Variants in METTL15 observed in about 807,000 individuals in gnomAD.
The protein encoded by METTL15 is 12S rRNA N(4)-cytidine methyltransferase METTL15.
A neutral mutation model predicts 38.3 loss-of-function variants in METTL15; 34 were observed. That is an observed-to-expected ratio of 0.89 (90% CI 0.68 to 1.18). METTL15 has a LOEUF of 1.18. METTL15 is among the 50% of genes most tolerant of loss of function. METTL15 has a pLI of 0.00. For missense variants in METTL15, 438 were observed against 498.4 expected (o/e 0.88, Z 1.15); for synonymous variants, 162 against 170.9 (o/e 0.95, Z 0.41).
chr11:28,306,024 C>T (rs142629701), intron 6 of METTL15, among the ~76,000 whole-genome samples: 1,935 of 152,150 alleles, frequency 0.013, 16 homozygotes, highest in Non-Finnish European at 0.02. Context: ...TAATATAATT[C>T]CAAATTCCTG....
intron 4 of METTL15, among the ~76,000 whole-genome samples, chr11:28,250,561 T>TTG (rs1854697143): frequency 1.5e-5 from 1 of 66,518 alleles, no homozygotes; most frequent in South Asian, 3.3e-4. Context: ...TTACTCTCCT[T>TTG]TTTTTAAAAA....
chr11:28,191,323 C>T (rs1230472546), intron 3 of METTL15, among the ~76,000 whole-genome samples: 3 of 150,478 alleles, frequency 2.0e-5, no homozygotes, highest in African/African-American at 7.3e-5. Flanking sequence ...GTTTTTACAG[C>T]TTTTTGTACT....
At chr11:28,481,823 G>T (rs1252430123) in intron 6 of METTL15, among the ~76,000 whole-genome samples, 1 of 152,068 alleles carries the variant, frequency 6.6e-6, no homozygotes, top group South Asian at 2.1e-4. Context: ...TACCACTTTG[G>T]GAAGCAATAA....
intron 5 of METTL15, among the ~76,000 whole-genome samples, chr11:28,409,569 A>T (rs1850707783): frequency 6.6e-6 from 1 of 152,032 alleles, no homozygotes; most frequent in Non-Finnish European, 1.5e-5. Context: ...ATTTTAAAGT[A>T]TCTTAAGACA....
intron 4 of METTL15, among the ~76,000 whole-genome samples, chr11:28,251,886 G>GT (rs1854760622): frequency 6.6e-6 from 1 of 152,044 alleles, no homozygotes; most frequent in South Asian, 2.1e-4. Flanking sequence ...GAGACACTTT[G>GT]TAAGTACCCT....
At chr11:28,518,326 T>C (rs1004770956) in intron 6 of METTL15, among the ~76,000 whole-genome samples, 1 of 152,160 alleles carries the variant, frequency 6.6e-6, no homozygotes, top group African/African-American at 2.4e-5. Context: ...CATGAATATT[T>C]ATGGAGCAGC....
Position 28,318,093 on chromosome 11 carries a change from G to A in METTL15, c.779-12303G>A, listed in dbSNP as rs747026774. On this transcript the variant is annotated intron_variant, in intron 6 of 6. Coordinates refer to ENST00000407364, the MANE Select transcript of METTL15 (RefSeq NM_001113528.2). ...TTGATGGAAGCAGCAGAGCATCTCC[G>A]CATAAAATTGCATGTACATGCAAAA... Among the ~76,000 whole-genome samples, 90 of 152,206 alleles carry A rather than the reference G, an allele frequency of 5.9e-4. 1 individual carries two copies. Among genetic ancestry groups the A allele is most frequent in the Non-Finnish European group, 2.2e-4 (15 of 68,012 alleles).
At chr11:28,527,225 C>G (rs575980617), downstream of METTL15, among the ~76,000 whole-genome samples, 7 of 152,208 alleles carry the variant, frequency 4.6e-5, no homozygotes, top group South Asian at 1.4e-3. Flanking sequence ...AGTTACTTTA[C>G]CTTTTGTTGT....
intron 5 of METTL15, among the ~76,000 whole-genome samples, chr11:28,373,112 T>TTA (rs1850264418): frequency 2.0e-5 from 3 of 152,126 alleles, no homozygotes; most frequent in Admixed American, 6.6e-5. Context: ...GCAGCATGAT[T>TTA]TATAGTCCTT....
chr11:28,386,897 A>G (rs1850446810), intron 5 of METTL15, among the ~76,000 whole-genome samples: 1 of 152,040 alleles, frequency 6.6e-6, no homozygotes, highest in African/African-American at 2.4e-5. Context: ...AAAAATTAAT[A>G]GCAGAAGAAA....
At chr11:28,150,633 G>GA (rs11411164) in intron 3 of METTL15, among the ~76,000 whole-genome samples, 69,315 of 151,218 alleles carry the variant, frequency 0.46, 17,497 homozygotes, top group Admixed American at 0.56. Context: ...CTGTGTGATA[G>GA]AAAAAAAACC....
intron 6 of METTL15, among the ~76,000 whole-genome samples, chr11:28,479,705 C>T (rs1851379627): frequency 6.6e-6 from 1 of 152,066 alleles, no homozygotes; most frequent in African/African-American, 2.4e-5. Context: ...TGGCAAGTTC[C>T]TCTTTCTGAA....
At chr11:28,361,036 C>T (rs1315405528) in intron 4 of METTL15, among the ~76,000 whole-genome samples, 8 of 152,020 alleles carry the variant, frequency 5.3e-5, no homozygotes, top group Non-Finnish European at 1.0e-4. Context: ...ATATGTGCCA[C>T]ATTTTCTTAA....
At chr11:28,219,244 A>G (rs1252718573) in intron 4 of METTL15, among the ~76,000 whole-genome samples, 1 of 152,000 alleles carries the variant, frequency 6.6e-6, no homozygotes, top group Non-Finnish European at 1.5e-5. Flanking sequence ...AGAGCCTGTT[A>G]TTGGTCTATT....
At chr11:28,469,552 G>T (rs768903756) in intron 6 of METTL15, among the ~76,000 whole-genome samples, 1 of 152,080 alleles carries the variant, frequency 6.6e-6, no homozygotes, top group Non-Finnish European at 1.5e-5. Flanking sequence ...CTGGAATACT[G>T]GTTGTGTGCC....
chr11:28,114,441 C>T (rs573740221), intron 3 of METTL15, among the ~76,000 whole-genome samples: 4 of 152,026 alleles, frequency 2.6e-5, no homozygotes, highest in African/African-American at 4.8e-5. Flanking sequence ...TACGAACATT[C>T]GTGTACAAGT....
chr11:28,217,608 G>T (rs1449684352), intron 4 of METTL15, among the ~76,000 whole-genome samples: 1 of 152,124 alleles, frequency 6.6e-6, no homozygotes, highest in Non-Finnish European at 1.5e-5. Flanking sequence ...ATTGCTTTTG[G>T]TGTTTTAGAT....
chr11:28,258,002 G>T (rs1414805835), intron 4 of METTL15, among the ~76,000 whole-genome samples: 2 of 152,116 alleles, frequency 1.3e-5, no homozygotes, highest in Non-Finnish European at 2.9e-5. Flanking sequence ...TTCATAGTCT[G>T]GGCTTGTTTG....
chr11:28,320,969 G>A (rs1380159948), intron 6 of METTL15, among the ~76,000 whole-genome samples: 2 of 152,082 alleles, frequency 1.3e-5, no homozygotes, highest in Non-Finnish European at 2.9e-5. Context: ...TTCGGATGCT[G>A]AAATCTTTTA....
Sources: gnomAD v4.1 joint callset for allele counts (sites outside exome capture counted in the v4.1 genomes callset) on GRCh38, gnomAD v4.1.1 for gene constraint, MANE v1.5 for transcripts, NCBI Gene and HGNC (gene_info 2026-07-23, HGNC 2026-07-21) for gene names.